RASEF: variants seen among roughly 807,000 people sequenced by gnomAD.
RASEF encodes the protein ras and EF-hand domain-containing protein.
In RASEF, 68 loss-of-function variants were observed where a neutral mutation model predicts 90.1. The observed-to-expected ratio is 0.75, with a 90% CI of 0.62 to 0.92. The LOEUF is 0.92. RASEF is among the 40% of genes least tolerant of loss of function. RASEF has a pLI of 0.00. For missense variants in RASEF, 949 were observed against 937.2 expected (o/e 1.01, Z -0.16); for synonymous variants, 331 against 345.2 (o/e 0.96, Z 0.46).
chr9:83,160,589 T>A, the RASEF span, among the ~76,000 whole-genome samples: 1 of 152,070 alleles, frequency 6.6e-6, no homozygotes, highest in African/African-American at 2.4e-5. Context: ...AGCCTGACAA[T>A]GCAATGGAAA....
At chr9:83,138,924 G>A in the RASEF span, among the ~76,000 whole-genome samples, 11 of 152,174 alleles carry the variant, frequency 7.2e-5, no homozygotes, top group African/African-American at 1.7e-4. Context: ...AAACAGCCAC[G>A]AGTATTTGAA....
chr9:83,212,486 T>C, the RASEF span, among the ~76,000 whole-genome samples: 1 of 152,238 alleles, frequency 6.6e-6, no homozygotes, highest in Non-Finnish European at 1.5e-5. Context: ...CAATTATGAT[T>C]TGCAATTACT....
chr9:83,060,247 A>C (rs927914626), intron 1 of RASEF, among the ~76,000 whole-genome samples: 2 of 152,204 alleles, frequency 1.3e-5, no homozygotes, highest in African/African-American at 4.8e-5. Context: ...ACTCTATTTT[A>C]TATGAAAACA....
the RASEF span, among the ~76,000 whole-genome samples, chr9:83,126,824 A>C: frequency 3.3e-5 from 5 of 152,238 alleles, no homozygotes; most frequent in African/African-American, 1.2e-4. Context: ...TATCAAAAAC[A>C]TAATTTTCTT....
intron 1 of RASEF, chr9:83,048,463 T>G: frequency 1.0e-6 from 1 of 985,270 alleles, no homozygotes; most frequent in Non-Finnish European, 1.2e-6. Flanking sequence ...CCAAGCAACT[T>G]GGACTTTTGG....
intron 4 of RASEF, among the ~76,000 whole-genome samples, chr9:83,013,464 C>T (rs1366019464): frequency 6.6e-6 from 1 of 152,196 alleles, no homozygotes; most frequent in Non-Finnish European, 1.5e-5. Context: ...TTTAAACACG[C>T]ATTTTGACTT....
chr9:83,184,356 T>C, the RASEF span, among the ~76,000 whole-genome samples: 11,021 of 152,144 alleles, frequency 0.072, 514 homozygotes, highest in East Asian at 0.16. Flanking sequence ...ACGGAGGATC[T>C]GATCAAAGGG....
the RASEF span, among the ~76,000 whole-genome samples, chr9:83,165,501 A>C: frequency 1.3e-5 from 2 of 152,148 alleles, no homozygotes; most frequent in Non-Finnish European, 2.9e-5. Context: ...GCCACAAAGC[A>C]GTAGAAGGAA....
chr9:82,988,134 C>T (rs1448226496), intron 16 of RASEF, among the ~76,000 whole-genome samples: 1 of 152,234 alleles, frequency 6.6e-6, no homozygotes, highest in Non-Finnish European at 1.5e-5. Context: ...CCAACACAAC[C>T]ATTTGAAAAG....
intron 1 of RASEF, among the ~76,000 whole-genome samples, chr9:83,036,593 C>T (rs979317047): frequency 6.6e-6 from 1 of 152,064 alleles, no homozygotes; most frequent in Non-Finnish European, 1.5e-5. Flanking sequence ...GCAACAACCT[C>T]GAAAGTAGAT....
At chr9:83,135,987 A>T in the RASEF span, among the ~76,000 whole-genome samples, 1 of 152,108 alleles carries the variant, frequency 6.6e-6, no homozygotes, top group Non-Finnish European at 1.5e-5. Flanking sequence ...CTGCTTTACT[A>T]GGCTTATGAG....
chr9:82,993,986 A>G (rs780246043), intron 14 of RASEF, among the ~76,000 whole-genome samples: 13 of 152,340 alleles, frequency 8.5e-5, no homozygotes, highest in Non-Finnish European at 1.6e-4. Context: ...TGGTTCCTAA[A>G]TAAGAGAAGT....
At chr9:83,065,807 G>T (rs137864156), upstream of RASEF, among the ~76,000 whole-genome samples, 67 of 152,136 alleles carry the variant, frequency 4.4e-4, no homozygotes, top group African/African-American at 1.5e-3. Flanking sequence ...ATTTTGTTTC[G>T]CAGGGGACAT....
At chr9:83,061,342 C>A (rs1053546322) in intron 1 of RASEF, among the ~76,000 whole-genome samples, 14 of 152,202 alleles carry the variant, frequency 9.2e-5, no homozygotes, top group African/African-American at 3.1e-4. Flanking sequence ...TTCCAATGAA[C>A]AAGCACACTG....
the RASEF span, among the ~76,000 whole-genome samples, chr9:83,207,967 C>T: frequency 6.6e-6 from 1 of 152,166 alleles, no homozygotes; most frequent in Admixed American, 6.5e-5. Flanking sequence ...GTACACTCCC[C>T]ATCAGTCTCT....
intron 1 of RASEF, among the ~76,000 whole-genome samples, chr9:83,052,793 C>T (rs1830041885): frequency 1.6e-5 from 2 of 125,488 alleles, no homozygotes; most frequent in Non-Finnish European, 3.3e-5. Context: ...GCCTTCATTT[C>T]GTTATGTACC....
intron 16 of RASEF, among the ~76,000 whole-genome samples, chr9:82,984,522 A>G (rs1025930054): frequency 6.6e-6 from 1 of 152,202 alleles, no homozygotes; most frequent in African/African-American, 2.4e-5. Context: ...CATGTTTTTC[A>G]TATTTGATAT....
chr9:82,985,130 C>T (rs1828687666), intron 16 of RASEF, among the ~76,000 whole-genome samples: 1 of 152,134 alleles, frequency 6.6e-6, no homozygotes, highest in Non-Finnish European at 1.5e-5. Flanking sequence ...AGAAATTCAA[C>T]CAGAAAGGTC....
chr9:83,052,672 T>C (rs1392517169), intron 1 of RASEF, among the ~76,000 whole-genome samples: 1 of 77,804 alleles, frequency 1.3e-5, no homozygotes, highest in East Asian at 3.9e-4. Context: ...CTTTCTCTTG[T>C]AGGCATTTAG....
Sources: allele counts gnomAD v4.1 joint callset (sites outside exome capture counted in the v4.1 genomes callset), GRCh38; gene constraint gnomAD v4.1.1; transcripts MANE v1.5; gene names NCBI Gene and HGNC (gene_info 2026-07-23, HGNC 2026-07-21).